The following CENPT variants were observed in gnomAD, a reference collection of about 807,000 sequenced individuals.
CENPT encodes the protein centromere protein T.
In CENPT, 42 loss-of-function variants were observed where a neutral mutation model predicts 59.7. That is an observed-to-expected ratio of 0.70 (90% CI 0.55 to 0.91). The LOEUF is 0.91. Ranked by LOEUF, CENPT falls within the 40% of genes least tolerant of loss-of-function variation. The probability of loss-of-function intolerance (pLI) is 0.00; values close to 1 mark genes in which losing one functional copy is unlikely to be tolerated. For missense variants in CENPT, 716 were observed against 713.4 expected, an observed-to-expected ratio of 1.00 and a Z score of -0.04; for synonymous variants, 295 against 289.6, an observed-to-expected ratio of 1.02 and a Z score of -0.19.
intron 9 of CENPT, 43 bp from the exon 10 acceptor site, chr16:67,831,401 A>T (rs998620367): frequency 6.2e-7 from 1 of 1,601,484 alleles, no homozygotes; most frequent in African/African-American, 1.3e-5. Flanking sequence ...GGTACCTGAG[A>T]CCCAGTTTGC....
chr16:67,829,937 T>C lies in CENPT; in HGVS notation c.1014A>G (p.Glu338=), dbSNP rs1358143557. ...DGVEEAEKKM[E]EEGVSVSEME... is the part of the protein sequence containing the mutation. ...TTTCACTCACACTCACACCTTCTTC[T>C]TCCATCTTTTTCTCTGCCTCTTCAA... is the stretch of plus-strand genomic sequence containing the variant. The change falls in exon 12 of 16, where the codon GAA becomes GAG. Residue 338 remains glutamate (E), a synonymous_variant. Coordinates refer to ENST00000562787, the MANE Select transcript of CENPT (RefSeq NM_025082.4). The C allele has an allele frequency of 6.2e-7, 1 of 1,614,132 alleles. No homozygotes were observed. The highest frequency in any genetic ancestry group is 1.7e-5 in the Admixed American group (1 of 60,004).
intron 1 of CENPT, among the ~76,000 whole-genome samples, chr16:67,841,070 C>T (rs1360896506): frequency 4.3e-5 from 6 of 140,392 alleles, no homozygotes; most frequent in Non-Finnish European, 9.1e-5. Context: ...TGGCATGCGC[C>T]TGTAGTCCCA....
At chr16:67,836,754 G>A (rs1306234304) in intron 1 of CENPT, among the ~76,000 whole-genome samples, 2 of 151,688 alleles carry the variant, frequency 1.3e-5, no homozygotes, top group Non-Finnish European at 2.9e-5. Context: ...TGTATTTTTA[G>A]TAAAGATGGG....
intron 1 of CENPT, chr16:67,846,981 C>G (rs2057805341): frequency 6.6e-6 from 1 of 152,252 alleles, no homozygotes; most frequent in Admixed American, 6.5e-5. Flanking sequence ...GTGCCAGCCC[C>G]TCGGGTGAGT....
At chr16:67,831,517 C>T (rs1263031278) in intron 9 of CENPT, 59 bp downstream of exon 9, 7 of 1,600,474 alleles carry the variant, frequency 4.4e-6, no homozygotes, top group African/African-American at 2.7e-5. Context: ...CAGGCAGCAC[C>T]TCCCTCCCCA....
chr16:67,830,223 A>G (rs1338351393), intron 11 of CENPT, 135 bp from the exon 12 acceptor site: 2 of 1,213,784 alleles, frequency 1.6e-6, no homozygotes, highest in East Asian at 2.4e-5. Flanking sequence ...GCACCAGGAC[A>G]TGGATCTGAA....
chr16:67,846,081 C>T (rs1763185663), intron 1 of CENPT, among the ~76,000 whole-genome samples: 1 of 152,194 alleles, frequency 6.6e-6, no homozygotes, highest in African/African-American at 2.4e-5. Flanking sequence ...CTGGCCTTAC[C>T]ACAAATGTTT....
Position 67,843,683 on chromosome 16 carries a change from T to TAA in CENPT, c.-492+3717_-492+3718insTT. 1.6e-6 allele frequency: 1 copy of TAA among 612,618 alleles called. No individual in the cohort carries two copies. Among genetic ancestry groups the TAA allele is most frequent in the Non-Finnish European group, 2.9e-6 (1 of 348,118 alleles). 37.9% of individuals were successfully genotyped at this position (612,618 alleles called of 1,614,324 possible). ...CCTCCTGAAGTGGAAGCTGGGGCCTTAGACTCTGCCCTGGTGACACCAGCA... is the reference window on the plus strand; with the variant it reads ...CCTCCTGAAGTGGAAGCTGGGGCCTTAAAGACTCTGCCCTGGTGACACCAGCA... On this transcript the variant is annotated intron_variant, in intron 1 of 15. Coordinates refer to ENST00000562787, the MANE Select transcript of CENPT (RefSeq NM_025082.4). The surrounding 1 kb of genome is among the most constrained non-coding windows in gnomAD (Gnocchi z 5.7).
intron 1 of CENPT, among the ~76,000 whole-genome samples, chr16:67,836,849 C>A (rs1202427095): frequency 2.6e-5 from 4 of 151,852 alleles, no homozygotes; most frequent in Non-Finnish European, 5.9e-5. Flanking sequence ...TCACGCCATT[C>A]TCCTGCCTCA....
chr16:67,828,977 C>T (rs1180143827), intron 13 of CENPT, 134 bp from the exon 14 acceptor site: 3 of 855,214 alleles, frequency 3.5e-6, no homozygotes, highest in Non-Finnish European at 5.2e-6. Flanking sequence ...GCCCTGACCA[C>T]CTGCTGAGGG....
At position 67,842,489 on chromosome 16, in the gene CENPT, C is replaced by A; in HGVS notation, c.-492+4912G>T. On this transcript the variant is annotated intron_variant, in intron 1 of 15. Coordinates refer to ENST00000562787, the MANE Select transcript of CENPT (RefSeq NM_025082.4). This position sits in a 1 kb window ranked among gnomAD's most constrained non-coding sequence, Gnocchi z 4.9. ...CCGCCCGTCGAGGGGCGGGCGGCGG[C>A]GTAGCCACTGGGCCGTCGAAGAGCG... 2 of 1,253,716 alleles carry A rather than the reference C, an allele frequency of 1.6e-6. No homozygotes were observed. Among genetic ancestry groups the A allele is most frequent in the Non-Finnish European group, 1.0e-6 (1 of 990,726 alleles). The allele number at this position is 1,253,716 out of a possible 1,614,324, so 77.7% of individuals were successfully genotyped here. A position where few individuals can be genotyped will look rare whatever the true frequency, so the allele number is the denominator to read the frequency against.
chr16:67,831,045 A>G (rs1423801656), intron 10 of CENPT, 171 bp downstream of exon 10: 9 of 811,928 alleles, frequency 1.1e-5, no homozygotes, highest in Non-Finnish European at 1.6e-5. Context: ...GACCAAGGAA[A>G]GAGGCCCCCT....
intron 1 of CENPT, among the ~76,000 whole-genome samples, chr16:67,846,468 A>AGT: frequency 6.6e-6 from 1 of 152,240 alleles, no homozygotes; most frequent in Non-Finnish European, 1.5e-5. Context: ...GGTTAAGGCC[A>AGT]CACAGCTCGG....
Position 67,843,674 on chromosome 16 carries a change from C to CAA in CENPT, c.-492+3726_-492+3727insTT. 1.5e-6 allele frequency: 1 copy of CAA among 647,838 alleles called. No homozygotes were observed. Among genetic ancestry groups the CAA allele is most frequent in the Non-Finnish European group, 2.6e-6 (1 of 377,556 alleles). 40.1% of individuals were successfully genotyped at this position (647,838 alleles called of 1,614,324 possible). A position where few individuals can be genotyped will look rare whatever the true frequency, so the allele number is the denominator to read the frequency against. On this transcript the variant is annotated intron_variant, in intron 1 of 15. Coordinates refer to ENST00000562787, the MANE Select transcript of CENPT (RefSeq NM_025082.4). This position sits in a 1 kb window ranked among gnomAD's most constrained non-coding sequence, Gnocchi z 5.7. ...CAATTGTTTCCTCCTGAAGTGGAAG[C>CAA]TGGGGCCTTAGACTCTGCCCTGGTG... is the stretch of plus-strand genomic sequence containing the variant.
chr16:67,831,632 G>A lies in CENPT; in HGVS notation c.524-20C>T, dbSNP rs1598142397. 6.2e-7 allele frequency: 1 copy of A among 1,613,974 alleles called. No homozygotes were observed. Reference sequence around the variant, plus strand: ...GAGGCTCTGTCAGCAACCGGCAAGAGAATGTAAAAGAAGAAAACCATGGTA... The same window carrying A: ...GAGGCTCTGTCAGCAACCGGCAAGAAAATGTAAAAGAAGAAAACCATGGTA... On this transcript the variant is annotated intron_variant, in intron 8 of 15. Transcript: ENST00000562787.
intron 1 of CENPT, among the ~76,000 whole-genome samples, chr16:67,844,734 AG>A (rs2057785772): frequency 6.6e-6 from 1 of 151,604 alleles, no homozygotes; most frequent in South Asian, 2.1e-4. Context: ...AGCATTAAGA[AG>A]TTGGGAGGTG....
intron 3 of CENPT, 97 bp from the exon 4 acceptor site, chr16:67,834,197 C>G: frequency 4.0e-6 from 1 of 251,780 alleles, no homozygotes; most frequent in Non-Finnish European, 7.6e-6. Flanking sequence ...AGCCAGGGCA[C>G]TGGTAACTAG....
rs745399115 is a variant in CENPT at position 67,832,391 on chromosome 16, T to C, written c.201+64A>G. 17 of 1,608,378 alleles carry C rather than the reference T, an allele frequency of 1.1e-5. No individual in the cohort carries two copies. The South Asian group carries it at 1.9e-4, about 18-fold the overall frequency. On this transcript the variant is annotated intron_variant, in intron 5 of 15. Coordinates refer to ENST00000562787, the MANE Select transcript of CENPT (RefSeq NM_025082.4). The stretch of plus-strand genomic sequence containing the variant: ...CTCAAGGTGGGCTCCAGAGCAGAGC[T>C]AGACCTCAACCCCCCTCCCCGAGGC...
At position 67,843,673 on chromosome 16, in the gene CENPT, G is replaced by A. The variant is rs928836825; in HGVS notation, c.-492+3728C>T. The A allele has an allele frequency of 1.5e-6, 1 of 648,160 alleles. No homozygotes were observed. Among genetic ancestry groups the A allele is most frequent in the Non-Finnish European group, 2.6e-6 (1 of 377,910 alleles). The allele number at this position is 648,160 out of a possible 1,614,324, so 40.2% of individuals were successfully genotyped here. ...TCAATTGTTTCCTCCTGAAGTGGAAGCTGGGGCCTTAGACTCTGCCCTGGT... is the reference window on the plus strand; with the variant it reads ...TCAATTGTTTCCTCCTGAAGTGGAAACTGGGGCCTTAGACTCTGCCCTGGT... On this transcript the variant is annotated intron_variant, in intron 1 of 15. Transcript: ENST00000562787. The surrounding 1 kb of genome is among the most constrained non-coding windows in gnomAD (Gnocchi z 5.7).
Sources: allele counts gnomAD v4.1 joint callset (sites outside exome capture counted in the v4.1 genomes callset), GRCh38; gene constraint gnomAD v4.1.1; non-coding constraint Gnocchi (gnomAD v3.1); transcripts MANE v1.5; gene names NCBI Gene and HGNC (gene_info 2026-07-23, HGNC 2026-07-21).